The following TMTC1 variants were observed in gnomAD, a reference collection of about 807,000 sequenced individuals.
TMTC1 encodes the protein transmembrane O-mannosyltransferase targeting cadherins 1.
TMTC1 carries 73 observed loss-of-function variants against 104.8 expected under a neutral mutation model. The ratio of observed to expected loss-of-function variants is 0.70; its 90% CI spans 0.58 to 0.85. The LOEUF (loss-of-function observed/expected upper bound fraction) is 0.85. Among genes scored for constraint, TMTC1 ranks in the 40% least tolerant of loss-of-function variants. The pLI is 0.00. For synonymous variants in TMTC1, 434 were observed against 428.7 expected (o/e 1.01, Z -0.15); for missense variants, 1,035 against 1,096.1 (o/e 0.94, Z 0.79).
intron 17 of TMTC1, among the ~76,000 whole-genome samples, chr12:29,510,928 C>T (rs934751417): frequency 6.6e-6 from 1 of 152,110 alleles, no homozygotes; most frequent in African/African-American, 2.4e-5. Context: ...CTCCCATTTC[C>T]TTTTCTTTGC....
chr12:29,526,523 C>T (rs1385846517), intron 11 of TMTC1, among the ~76,000 whole-genome samples: 1 of 152,132 alleles, frequency 6.6e-6, no homozygotes, highest in East Asian at 1.9e-4. Flanking sequence ...TCTTGTCTTG[C>T]TTGGGTTAGA....
At chr12:29,765,964 A>C (rs1015926909) in intron 2 of TMTC1, among the ~76,000 whole-genome samples, 1 of 152,158 alleles carries the variant, frequency 6.6e-6, no homozygotes, top group Non-Finnish European at 1.5e-5. Flanking sequence ...GTCCTCCTTT[A>C]ATTTGGTTGA....
intron 15 of TMTC1, among the ~76,000 whole-genome samples, chr12:29,515,315 T>C (rs1943952889): frequency 6.6e-6 from 1 of 151,970 alleles, no homozygotes; most frequent in Admixed American, 6.6e-5. Context: ...AAAGCAAATA[T>C]CTGATCATGT....
chr12:29,765,856 G>A (rs946724224), intron 2 of TMTC1, among the ~76,000 whole-genome samples: 7 of 152,120 alleles, frequency 4.6e-5, no homozygotes, highest in Non-Finnish European at 7.4e-5. Context: ...TTACAGCAAT[G>A]ACTTTATTCT....
chr12:29,668,027 T>C (rs1940349687), intron 5 of TMTC1, among the ~76,000 whole-genome samples: 1 of 152,190 alleles, frequency 6.6e-6, no homozygotes, highest in Non-Finnish European at 1.5e-5. Flanking sequence ...CACTACTCTG[T>C]ACAGCACAGA....
intron 5 of TMTC1, among the ~76,000 whole-genome samples, chr12:29,710,925 A>AT: frequency 2.1e-4 from 2 of 9,402 alleles, no homozygotes; most frequent in African/African-American, 2.1e-4. Context: ...AAATATATAT[A>AT]AATATATTAA....
chr12:29,506,776 A>C lies in TMTC1; in HGVS notation c.*70T>G, dbSNP rs1476713640. On this transcript the variant is annotated 3_prime_UTR_variant, in exon 18 of 18. Coordinates refer to ENST00000539277, the MANE Select transcript of TMTC1 (RefSeq NM_001193451.2). ...ATTAGTTGTGCCCCTGCTGATGTGA[A>C]AGCAAGGCTTCCATCACTCCCCTTT... 2 of 1,586,004 alleles carry C rather than the reference A, an allele frequency of 1.3e-6. No homozygotes were observed. The highest frequency in any genetic ancestry group is 1.7e-6 in the Non-Finnish European group (2 of 1,157,182).
At chr12:29,608,739 G>A (rs1946767537) in intron 6 of TMTC1, among the ~76,000 whole-genome samples, 1 of 152,116 alleles carries the variant, frequency 6.6e-6, no homozygotes, top group Admixed American at 6.5e-5. Context: ...CACCCAGACG[G>A]GGGTGCTGAG....
chr12:29,522,700 T>C (rs1325296183), intron 11 of TMTC1, among the ~76,000 whole-genome samples: 1 of 152,142 alleles, frequency 6.6e-6, no homozygotes, highest in Non-Finnish European at 1.5e-5. Flanking sequence ...TTTACTGCAA[T>C]GGCTATAGAA....
chr12:29,527,718 C>T (rs954149414), intron 11 of TMTC1, among the ~76,000 whole-genome samples: 2 of 152,214 alleles, frequency 1.3e-5, no homozygotes, highest in African/African-American at 4.8e-5. Flanking sequence ...TTTTTAAGAG[C>T]AATTACTGCT....
intron 16 of TMTC1, among the ~76,000 whole-genome samples, chr12:29,513,805 G>A (rs572572559): frequency 1.6e-4 from 25 of 152,272 alleles, no homozygotes; most frequent in African/African-American, 6.0e-4. Flanking sequence ...AGAGAAGGAT[G>A]CAGTCCCTCT....
chr12:29,711,616 A>T (rs1362930681), intron 5 of TMTC1, among the ~76,000 whole-genome samples: 1 of 152,176 alleles, frequency 6.6e-6, no homozygotes, highest in Non-Finnish European at 1.5e-5. Context: ...CAGATGTTGG[A>T]GATGTTCAGG....
intron 5 of TMTC1, among the ~76,000 whole-genome samples, chr12:29,709,631 C>G (rs560430442): frequency 5.9e-5 from 9 of 152,296 alleles, no homozygotes; most frequent in Non-Finnish European, 1.0e-4. Flanking sequence ...AAAAATCCCA[C>G]TTCCATAAGC....
At chr12:29,667,122 A>T (rs1940317862) in intron 5 of TMTC1, among the ~76,000 whole-genome samples, 1 of 152,222 alleles carries the variant, frequency 6.6e-6, no homozygotes, top group African/African-American at 2.4e-5. Context: ...GTGTCTTTTG[A>T]CACTTAACAA....
chr12:29,708,385 T>C (rs1190430994), intron 5 of TMTC1, among the ~76,000 whole-genome samples: 1 of 152,176 alleles, frequency 6.6e-6, no homozygotes, highest in Non-Finnish European at 1.5e-5. Context: ...GCAGAGCAAA[T>C]GTCTCTTATA....
chr12:29,521,530 G>A (rs1038369671), intron 11 of TMTC1, among the ~76,000 whole-genome samples: 1 of 147,926 alleles, frequency 6.8e-6, no homozygotes, highest in Non-Finnish European at 1.5e-5. Flanking sequence ...GTAATTCTGA[G>A]TTACTTTTTA....
intron 5 of TMTC1, chr12:29,658,265 A>G (rs1405644364): frequency 6.6e-6 from 1 of 152,198 alleles, no homozygotes; most frequent in Non-Finnish European, 1.5e-5. Flanking sequence ...ATGATATTAG[A>G]TAACATTAAA....
intron 8 of TMTC1, among the ~76,000 whole-genome samples, chr12:29,578,854 C>T (rs569150051): frequency 1.3e-5 from 2 of 152,286 alleles, no homozygotes; most frequent in African/African-American, 4.8e-5. Context: ...TGATTCTCCT[C>T]AATTTTGACC....
intron 1 of TMTC1, chr12:29,782,865 C>T (rs1178108068): frequency 6.6e-6 from 1 of 152,328 alleles, no homozygotes; most frequent in Non-Finnish European, 1.5e-5. Context: ...ATTGGAGAGC[C>T]TCTGGGAGCA....
Sources: allele counts gnomAD v4.1 joint callset (sites outside exome capture counted in the v4.1 genomes callset), GRCh38; gene constraint gnomAD v4.1.1; transcripts MANE v1.5; gene names NCBI Gene and HGNC (gene_info 2026-07-23, HGNC 2026-07-21).